The following CTSB variants were observed in gnomAD, a reference collection of about 807,000 sequenced individuals.
CTSB encodes cathepsin B, also known as APP secretase.
In CTSB, 57 loss-of-function variants were observed where a neutral mutation model predicts 44.3. That is an observed-to-expected ratio of 1.29 (90% CI 1.04 to 1.60). The LOEUF is 1.60. Among genes scored for constraint, CTSB ranks in the 40% most tolerant of loss-of-function variants. The pLI is 0.00. For missense variants in CTSB, 768 were observed against 443.0 expected, an observed-to-expected ratio of 1.73 and a Z score of -6.59; for synonymous variants, 320 against 168.0, an observed-to-expected ratio of 1.91 and a Z score of -7.00.
At position 11,845,064 on chromosome 8, in the gene CTSB, A is replaced by G. The variant is rs1586068755; in HGVS notation, c.*61T>C. 2 of 1,126,054 alleles carry G rather than the reference A, an allele frequency of 1.8e-6. No homozygotes were observed. The highest frequency in any genetic ancestry group is 4.7e-5 in the East Asian group (2 of 42,262). 69.8% of individuals were successfully genotyped at this position (1,126,054 alleles called of 1,614,324 possible). A position where few individuals can be genotyped will look rare whatever the true frequency, so the allele number is the denominator to read the frequency against. On this transcript the variant is annotated 3_prime_UTR_variant, in exon 10 of 10. Transcript: ENST00000353047. Reference sequence around the variant, plus strand: ...ACTTGTATCTTACGTGAACTTAAAGAATAAAATGCATTTCTACCCCGATCT... The same window carrying G: ...ACTTGTATCTTACGTGAACTTAAAGGATAAAATGCATTTCTACCCCGATCT...
chr8:11,849,934 G>A (rs1814241896), intron 4 of CTSB: 1 of 152,200 alleles, frequency 6.6e-6, no homozygotes, highest in Admixed American at 6.6e-5. Context: ...ATACTGTTGT[G>A]ATCCACTTGT....
In CTSB at chr8:11,845,012, A is replaced by G; in HGVS notation, c.*113T>C. The G allele has an allele frequency of 1.4e-6, 1 of 726,370 alleles. No homozygotes were observed. The highest frequency in any genetic ancestry group is 2.2e-5 in the Admixed American group (1 of 45,342). The allele number at this position is 726,370 out of a possible 1,614,324, so 45.0% of individuals were successfully genotyped here. On this transcript the variant is annotated 3_prime_UTR_variant, in exon 10 of 10. Coordinates refer to ENST00000353047, the MANE Select transcript of CTSB (RefSeq NM_001908.5). ...TGGAAGACAGGTCTGATGTTTGGCCAATCCAGTCCTTCAGACCCTGTCTGA... is the reference window on the plus strand; with the variant it reads ...TGGAAGACAGGTCTGATGTTTGGCCGATCCAGTCCTTCAGACCCTGTCTGA...
intron 1 of CTSB, among the ~76,000 whole-genome samples, chr8:11,857,586 A>T (rs1006243035): frequency 1.3e-5 from 2 of 152,168 alleles, no homozygotes; most frequent in African/African-American, 2.4e-5. Context: ...GGTGGCTGAG[A>T]ACACAGGCAG....
At chr8:11,860,444 A>C (rs1816244498) in intron 1 of CTSB, among the ~76,000 whole-genome samples, 1 of 152,138 alleles carries the variant, frequency 6.6e-6, no homozygotes, top group South Asian at 2.1e-4. Context: ...TAACATGGTG[A>C]AATCCCATTT....
intron 1 of CTSB, among the ~76,000 whole-genome samples, chr8:11,863,743 A>T (rs943065196): frequency 4.6e-5 from 7 of 152,136 alleles, no homozygotes; most frequent in African/African-American, 1.7e-4. Flanking sequence ...ACCACTTCAA[A>T]CCCATCAGAT....
At chr8:11,862,929 C>CAA (rs1816639018) in intron 1 of CTSB, among the ~76,000 whole-genome samples, 1 of 152,186 alleles carries the variant, frequency 6.6e-6, no homozygotes, top group Non-Finnish European at 1.5e-5. Context: ...TCTTGATGAC[C>CAA]AGACCAAAGA....
At chr8:11,866,553 G>A (rs1355379341) in intron 1 of CTSB, among the ~76,000 whole-genome samples, 2 of 152,224 alleles carry the variant, frequency 1.3e-5, no homozygotes, top group African/African-American at 2.4e-5. Flanking sequence ...AGGAGCTGGC[G>A]GGTTCTAAGT....
At chr8:11,850,284 T>G (rs1479823611) in intron 4 of CTSB, among the ~76,000 whole-genome samples, 1 of 151,680 alleles carries the variant, frequency 6.6e-6, no homozygotes, top group South Asian at 2.1e-4. Context: ...CTGGGCGTGG[T>G]GGCACATGCC....
At chr8:11,853,306 T>C (rs1454844678) in intron 2 of CTSB, 23 bp downstream of exon 2, 1 of 1,611,924 alleles carries the variant, frequency 6.2e-7, no homozygotes, top group Non-Finnish European at 8.5e-7. Context: ...GGGACATACA[T>C]AGGACGCAGC....
intron 1 of CTSB, among the ~76,000 whole-genome samples, chr8:11,860,863 G>T (rs1370371201): frequency 6.6e-6 from 1 of 152,122 alleles, no homozygotes; most frequent in Non-Finnish European, 1.5e-5. Flanking sequence ...CTGAAGTTTT[G>T]ACCACTTAAG....
rs778567657 is a variant in CTSB, at chr8:11,848,160, GAC to G, written c.447-10_447-9del. On this transcript the variant is annotated splice_polypyrimidine_tract_variant and intron_variant, in intron 5 of 9. Coordinates refer to ENST00000353047, the MANE Select transcript of CTSB (RefSeq NM_001908.5). ...GGATAGCCACCATTACAGCTGAAAA[GAC>G]AGCCTCTAATGAAAACCTCTGAGAG... The G allele has an allele frequency of 8.7e-6, 14 of 1,612,846 alleles. No individual in the cohort carries two copies. The Admixed American group carries it at 1.3e-4, about 15-fold the overall frequency.
chr8:11,857,469 G>T (rs76893470), intron 1 of CTSB, among the ~76,000 whole-genome samples: 2,982 of 152,260 alleles, frequency 0.02, 49 homozygotes, highest in Middle Eastern at 0.048. Flanking sequence ...GATGTACCCG[G>T]GGGCTTTGTG....
chr8:11,852,134 G>A (rs1006461373), intron 3 of CTSB, among the ~76,000 whole-genome samples: 3 of 152,288 alleles, frequency 2.0e-5, no homozygotes, highest in East Asian at 1.9e-4. Context: ...CTGGGATGCC[G>A]AGTTGGGCAG....
chr8:11,853,734 G>A (rs1318947893), intron 1 of CTSB: 4 of 404,588 alleles, frequency 9.9e-6, no homozygotes, highest in South Asian at 4.3e-5. Flanking sequence ...GGACGAGACC[G>A]AGTCCAGGGC....
chr8:11,860,231 G>A (rs956915675), intron 1 of CTSB, among the ~76,000 whole-genome samples: 1 of 152,154 alleles, frequency 6.6e-6, no homozygotes, highest in African/African-American at 2.4e-5. Flanking sequence ...CAAAAAAAGT[G>A]AAAGAATTCT....
rs1813011072 is a variant in CTSB at position 11,845,102 on chromosome 8, T to G, written c.*23A>C. ...TCTACCCCGATCTCGCCCCCAGGAC[T>G]GGCACGACAGGCCCACGGCAGATTA... On this transcript the variant is annotated 3_prime_UTR_variant, in exon 10 of 10. Coordinates refer to ENST00000353047, the MANE Select transcript of CTSB (RefSeq NM_001908.5). 3.3e-6 allele frequency: 5 copies of G among 1,530,692 alleles called. 1 individual carries two copies. Among genetic ancestry groups the G allele is most frequent in the East Asian group, 4.5e-5 (2 of 44,424 alleles). 94.8% of individuals were successfully genotyped at this position (1,530,692 alleles called of 1,614,324 possible).
intron 1 of CTSB, among the ~76,000 whole-genome samples, chr8:11,866,202 C>T (rs1817122916): frequency 6.6e-6 from 1 of 152,164 alleles, no homozygotes; most frequent in African/African-American, 2.4e-5. Flanking sequence ...GGTCCAGCAG[C>T]TGGGGAAAGA....
chr8:11,864,050 A>G (rs892746653), intron 1 of CTSB, among the ~76,000 whole-genome samples: 1 of 152,178 alleles, frequency 6.6e-6, no homozygotes, highest in African/African-American at 2.4e-5. Context: ...ACTTAACACA[A>G]ATGGACTAGA....
At chr8:11,865,647 A>G (rs1485717878) in intron 1 of CTSB, 1 of 151,758 alleles carries the variant, frequency 6.6e-6, no homozygotes. Flanking sequence ...CTCCCTCTCA[A>G]TGTTTCAGTC....
Sources: allele counts gnomAD v4.1 joint callset (sites outside exome capture counted in the v4.1 genomes callset), GRCh38; gene constraint gnomAD v4.1.1; transcripts MANE v1.5; gene names NCBI Gene and HGNC (gene_info 2026-07-23, HGNC 2026-07-21).